Variants in PPP1R9B observed in about 807,000 individuals in gnomAD.
PPP1R9B encodes the protein protein phosphatase 1 regulatory subunit 9B, also known as neurabin-2.
PPP1R9B carries 17 observed loss-of-function variants against 75.8 expected under a neutral mutation model. The observed-to-expected ratio is 0.22, with a 90% CI of 0.15 to 0.34. The LOEUF is 0.34. Ranked by LOEUF, PPP1R9B falls within the 10% of genes least tolerant of loss-of-function variation. The probability of loss-of-function intolerance (pLI) is 1.00; values close to 1 mark genes in which losing one functional copy is unlikely to be tolerated. For synonymous variants in PPP1R9B, 509 were observed against 535.4 expected, an observed-to-expected ratio of 0.95 and a Z score of 0.68; for missense variants, 875 against 1,196.0, an observed-to-expected ratio of 0.73 and a Z score of 3.96.
chr17:50,143,897 C>T (rs975409937), intron 2 of PPP1R9B, among the ~76,000 whole-genome samples, 179 bp from the exon 3 acceptor site: 3 of 152,232 alleles, frequency 2.0e-5, no homozygotes, highest in Non-Finnish European at 4.4e-5. Flanking sequence ...TAGGATGGCT[C>T]CTGAGCCGCT....
intron 8 of PPP1R9B, 117 bp downstream of exon 8, chr17:50,135,851 C>A: frequency 1.1e-6 from 1 of 936,012 alleles, no homozygotes; most frequent in Non-Finnish European, 1.6e-6. Context: ...GGTGTCCCCA[C>A]CATGGGGCCC....
chr17:50,145,220 TC>T lies in PPP1R9B; in HGVS notation c.1396del (p.Asp466IlefsTer66). On this transcript the variant is annotated frameshift_variant, in exon 2 of 10. Coordinates refer to ENST00000612501, the MANE Select transcript of PPP1R9B (RefSeq NM_032595.5). LOFTEE classifies it high-confidence loss of function. ...IQVFSTYSNE[D>X]YDRRNEDVDP... ...CACATCCTCGTTGCGACGATCGTAA[TC>T]CTCGTTGGAGTAAGTGCTGAACACC... The T allele has an allele frequency of 6.2e-7, 1 of 1,613,908 alleles. No individual in the cohort carries two copies. Among genetic ancestry groups the T allele is most frequent in the Non-Finnish European group, 8.5e-7 (1 of 1,179,882 alleles).
Position 50,141,495 on chromosome 17 carries a change from C to A in PPP1R9B, c.1626-122G>T, listed in dbSNP as rs1912377185. ...AGTACATAGTGAGAACTCATCTCTA[C>A]AAACAATAAAAAGAAAAATTAGCTG... On this transcript the variant is annotated intron_variant, in intron 3 of 9. Coordinates refer to ENST00000612501, the MANE Select transcript of PPP1R9B (RefSeq NM_032595.5). 5.2e-6 allele frequency: 3 copies of A among 581,040 alleles called. No individual in the cohort carries two copies. The East Asian group carries it at 9.7e-5, about 19-fold the overall frequency. The allele number at this position is 581,040 out of a possible 1,614,324, so 36.0% of individuals were successfully genotyped here.
intron 2 of PPP1R9B, 27 bp downstream of exon 2, chr17:50,145,086 A>T: frequency 6.2e-7 from 1 of 1,612,354 alleles, no homozygotes; most frequent in Non-Finnish European, 8.5e-7. Context: ...AGCTGTGCGC[A>T]AGTGACGTGG....
intron 7 of PPP1R9B, among the ~76,000 whole-genome samples, chr17:50,136,616 CCT>C (rs1006546838): frequency 1.3e-5 from 2 of 152,252 alleles, no homozygotes; most frequent in African/African-American, 4.8e-5. Context: ...CTCTCTGTCC[CCT>C]CTCTGCAGCC....
chr17:50,135,194 G>C lies in PPP1R9B; in HGVS notation c.*137C>G. 1.5e-6 allele frequency: 1 copy of C among 669,898 alleles called. No individual in the cohort carries two copies. Among genetic ancestry groups the C allele is most frequent in the Non-Finnish European group, 2.7e-6 (1 of 376,440 alleles). The allele number at this position is 669,898 out of a possible 1,614,324, so 41.5% of individuals were successfully genotyped here. On this transcript the variant is annotated 3_prime_UTR_variant, in exon 10 of 10. Coordinates refer to ENST00000612501, the MANE Select transcript of PPP1R9B (RefSeq NM_032595.5). ...GAGCCCTCTGGTCCCTGAAGCTGGG[G>C]GAGGTGGGGTGGAGGGGTGGGGGGA...
intron 1 of PPP1R9B, 148 bp downstream of exon 1, chr17:50,148,995 C>T: frequency 1.8e-6 from 1 of 560,098 alleles, no homozygotes. Context: ...CTCCCCCACG[C>T]CCCCCTGAGG....
rs529569783 is a variant in PPP1R9B, at chr17:50,139,299, C to T, written c.2037G>A (p.Ala679=). ...GCTGCTGGATCTCTGCCTCAGTGAC[C>T]GCATGCTTGATCTGGAGCTGTTGGG... is the stretch of plus-strand genomic sequence containing the variant. ...HKFKELQIKH[A]VTEAEIQQLK... is the part of the protein sequence containing the mutation. Residue 679 remains alanine (A), a synonymous_variant, in exon 7 of 10, where the codon GCG becomes GCA. Coordinates refer to ENST00000612501, the MANE Select transcript of PPP1R9B (RefSeq NM_032595.5). The surrounding 1 kb of genome is among the most constrained non-coding windows in gnomAD (Gnocchi z 5.0). 130 of 1,614,032 alleles carry T rather than the reference C, an allele frequency of 8.1e-5. 1 individual carries two copies. The highest frequency in any genetic ancestry group is 6.0e-4 in the East Asian group (27 of 44,886).
At chr17:50,135,447 G>T in intron 9 of PPP1R9B, 63 bp from the exon 10 acceptor site, 1 of 1,581,886 alleles carries the variant, frequency 6.3e-7, no homozygotes, top group South Asian at 1.1e-5. Context: ...AGCCCCTTCC[G>T]CCCCCCGGTG....
At chr17:50,135,445 C>T in intron 9 of PPP1R9B, 61 bp from the exon 10 acceptor site, 1 of 1,590,522 alleles carries the variant, frequency 6.3e-7, no homozygotes, top group Non-Finnish European at 8.6e-7. Context: ...CCAGCCCCTT[C>T]CGCCCCCCGG....
Position 50,139,706 on chromosome 17 carries a change from C to A in PPP1R9B, c.1867-125G>T, listed in dbSNP as rs1169614362. Reference sequence around the variant, plus strand: ...ACCCAGGAATGTGGTTCATGCCTCCCACTTCAGCCTGAGGCTGGACCAGAG... The same window carrying A: ...ACCCAGGAATGTGGTTCATGCCTCCAACTTCAGCCTGAGGCTGGACCAGAG... On this transcript the variant is annotated intron_variant, in intron 5 of 9. Transcript: ENST00000612501. The surrounding 1 kb of genome is among the most constrained non-coding windows in gnomAD (Gnocchi z 5.0). 1.8e-6 allele frequency: 2 copies of A among 1,113,068 alleles called. No homozygotes were observed. Among genetic ancestry groups the A allele is most frequent in the Non-Finnish European group, 2.5e-6 (2 of 787,202 alleles). 68.9% of individuals were successfully genotyped at this position (1,113,068 alleles called of 1,614,324 possible).
chr17:50,144,742 G>A (rs1297120932), intron 2 of PPP1R9B, among the ~76,000 whole-genome samples: 1 of 152,140 alleles, frequency 6.6e-6, no homozygotes, highest in Non-Finnish European at 1.5e-5. Flanking sequence ...GCGCCTAAGG[G>A]TGAGATTAGA....
At position 50,149,486 on chromosome 17, in the gene PPP1R9B, G is replaced by C. The variant is rs755239727; in HGVS notation, c.1028C>G (p.Pro343Arg). ...GGCCGCTTGGGCCTTTGGCTCCTCG[G>C]GCGCGGGGCTGGCTGCAGTTGCCAC... Reference protein sequence around the residue: ...STVATAASPAPEEPKAQAAPE... With the variant: ...STVATAASPAREEPKAQAAPE... Residue 343 changes from proline to arginine, a missense_variant, in exon 1 of 10, where the codon CCC (proline) becomes CGC (arginine). Physicochemically the swap from Pro to Arg is moderately radical, Grantham distance 103 (BLOSUM62 -2). Around this residue, in one of 4 missense-constraint regions of PPP1R9B, gnomAD observed 449 missense variants for 475.0 expected, o/e 0.95. Coordinates refer to ENST00000612501, the MANE Select transcript of PPP1R9B (RefSeq NM_032595.5). The surrounding 1 kb of genome is among the most constrained non-coding windows in gnomAD (Gnocchi z 7.2). 34 of 1,599,944 alleles carry C rather than the reference G, an allele frequency of 2.1e-5. No homozygotes were observed. The African/African-American group carries it at 3.8e-4, about 18-fold the overall frequency.
chr17:50,144,323 A>AC (rs779335693), intron 2 of PPP1R9B, among the ~76,000 whole-genome samples: 4 of 150,898 alleles, frequency 2.7e-5, no homozygotes, highest in Admixed American at 2.0e-4. Context: ...GAGCCAAATG[A>AC]CCCCCAGATG....
At chr17:50,143,024 A>C (rs1221290756) in intron 3 of PPP1R9B, among the ~76,000 whole-genome samples, 1 of 152,178 alleles carries the variant, frequency 6.6e-6, no homozygotes, top group African/African-American at 2.4e-5. Flanking sequence ...CAGCTCCAGC[A>C]CTGCTTCCTC....
At position 50,143,592 on chromosome 17, in the gene PPP1R9B, T is replaced by A. The variant is rs1423378212; in HGVS notation, c.1625+6A>T. 6.2e-7 allele frequency: 1 copy of A among 1,613,768 alleles called. No homozygotes were observed. Among genetic ancestry groups the A allele is most frequent in the African/African-American group, 1.3e-5 (1 of 74,902 alleles). On this transcript the variant is annotated splice_donor_region_variant and intron_variant, in intron 3 of 9. Coordinates refer to ENST00000612501, the MANE Select transcript of PPP1R9B (RefSeq NM_032595.5). ...AGGGTCAGGCGAGACTGGGGAGGAT[T>A]GGTACCTGCCATCCCGATGGGCCGC...
chr17:50,136,295 T>C, intron 7 of PPP1R9B, 98 bp from the exon 8 acceptor site: 1 of 1,021,226 alleles, frequency 9.8e-7, no homozygotes. Context: ...AGGGGATTCC[T>C]ACCGTTGTGG....
At chr17:50,136,613 T>A (rs1567727407) in intron 7 of PPP1R9B, among the ~76,000 whole-genome samples, 2 of 152,106 alleles carry the variant, frequency 1.3e-5, no homozygotes, top group East Asian at 3.9e-4. Context: ...TTACTCTCTG[T>A]CCCCTCTCTG....
In PPP1R9B at chr17:50,139,225, A is replaced by C. The variant is rs771894908; in HGVS notation, c.2073+38T>G. ...GGGGACCCTGCTCCTCAACACACAC[A>C]TGCACGCACGCAAAAGCACACACAT... On this transcript the variant is annotated intron_variant, in intron 7 of 9. Transcript: ENST00000612501. This position sits in a 1 kb window ranked among gnomAD's most constrained non-coding sequence, Gnocchi z 5.0. The C allele has an allele frequency of 6.2e-6, 10 of 1,613,052 alleles. No homozygotes were observed. In the Admixed American group the frequency reaches 1.7e-4, roughly 27 times the overall value.
Sources: gnomAD v4.1 joint callset for allele counts (sites outside exome capture counted in the v4.1 genomes callset) on GRCh38, gnomAD v4.1.1 for gene constraint, gnomAD v4.1.1 regional missense constraint, Gnocchi (gnomAD v3.1) non-coding constraint, MANE v1.5 for transcripts, NCBI Gene and HGNC (gene_info 2026-07-23, HGNC 2026-07-21) for gene names.